ZBTB20: variants seen among roughly 807,000 people sequenced by gnomAD.
ZBTB20 encodes the protein zinc finger and BTB domain-containing protein 20.
In ZBTB20, 9 loss-of-function variants were observed where a neutral mutation model predicts 56.9. The observed-to-expected ratio is 0.16, with a 90% CI of 0.10 to 0.28. ZBTB20 has a LOEUF of 0.28. ZBTB20 is among the 10% of genes least tolerant of loss of function. The probability of loss-of-function intolerance (pLI) is 1.00; values close to 1 mark genes in which losing one functional copy is unlikely to be tolerated. For missense variants in ZBTB20, 655 were observed against 1,003.0 expected (o/e 0.65, Z 4.69); for synonymous variants, 417 against 420.7 (o/e 0.99, Z 0.11).
chr3:114,346,683 A>ATTT (rs34177643), intron 11 of ZBTB20, among the ~76,000 whole-genome samples: 1 of 136,920 alleles, frequency 7.3e-6, no homozygotes. Context: ...TCTCAAACAG[A>ATTT]TTTTTTTTTT....
chr3:114,927,720 A>T (rs561122778), intron 3 of ZBTB20, among the ~76,000 whole-genome samples: 1 of 152,200 alleles, frequency 6.6e-6, no homozygotes. Flanking sequence ...CACACATCCA[A>T]GTGTAAAATT....
intron 7 of ZBTB20, among the ~76,000 whole-genome samples, chr3:114,406,238 A>C (rs1576619267): frequency 6.6e-6 from 1 of 152,308 alleles, no homozygotes; most frequent in East Asian, 1.9e-4. Flanking sequence ...ATAGTACAGC[A>C]GGCTTCAGAG....
Position 114,722,993 on chromosome 3 carries a change from C to A in ZBTB20, c.-342-29418G>T, listed in dbSNP as rs570385913. 2.0e-5 allele frequency among the ~76,000 whole-genome samples: 3 copies of A among 152,242 alleles called. No homozygotes were observed. The East Asian group carries it at 5.8e-4, about 29-fold the overall frequency. On this transcript the variant is annotated intron_variant, in intron 5 of 11. Coordinates refer to ENST00000675478, the MANE Select transcript of ZBTB20 (RefSeq NM_001348800.3). ...AAGTCCAGGGCAGGATTAATCGAAACGTAGCTCTTTATCATTCCTATTAAT... is the reference window on the plus strand; with the variant it reads ...AAGTCCAGGGCAGGATTAATCGAAAAGTAGCTCTTTATCATTCCTATTAAT...
intron 5 of ZBTB20, among the ~76,000 whole-genome samples, chr3:114,757,760 C>T (rs925730783): frequency 1.3e-5 from 2 of 152,006 alleles, no homozygotes; most frequent in Admixed American, 6.6e-5. Context: ...AAAATCCTAA[C>T]CAATACAATA....
intron 3 of ZBTB20, among the ~76,000 whole-genome samples, chr3:114,932,827 G>A (rs1255659316): frequency 2.6e-5 from 4 of 152,164 alleles, no homozygotes; most frequent in Admixed American, 2.6e-4. Context: ...CCATCAAGAG[G>A]CAGAGTTTGT....
chr3:114,698,854 T>G (rs2063219045), intron 5 of ZBTB20, among the ~76,000 whole-genome samples: 1 of 152,142 alleles, frequency 6.6e-6, no homozygotes, highest in South Asian at 2.1e-4. Context: ...TGCACACAGT[T>G]GTATACCTAG....
chr3:114,929,717 GTTTTA>G (rs2076286689), intron 3 of ZBTB20, among the ~76,000 whole-genome samples: 1 of 152,054 alleles, frequency 6.6e-6, no homozygotes, highest in Admixed American at 6.5e-5. Context: ...TTTCTAAATC[GTTTTA>G]TTTAATTGTG....
chr3:115,057,171 T>A (rs972868970), intron 2 of ZBTB20, among the ~76,000 whole-genome samples: 1 of 152,164 alleles, frequency 6.6e-6, no homozygotes, highest in African/African-American at 2.4e-5. Flanking sequence ...AATTATTGAT[T>A]GCAATTTTTG....
chr3:114,482,228 C>G (rs959053510), intron 7 of ZBTB20, among the ~76,000 whole-genome samples: 1 of 151,930 alleles, frequency 6.6e-6, no homozygotes, highest in Non-Finnish European at 1.5e-5. Flanking sequence ...GAAGACACAT[C>G]AGGGATCTAC....
At chr3:114,847,943 A>G (rs999395508) in intron 4 of ZBTB20, among the ~76,000 whole-genome samples, 1 of 152,218 alleles carries the variant, frequency 6.6e-6, no homozygotes, top group Non-Finnish European at 1.5e-5. Context: ...GCTTTCAGGA[A>G]GTAATGCATC....
chr3:114,671,884 TAC>T (rs1324533097), intron 6 of ZBTB20, among the ~76,000 whole-genome samples: 1 of 152,156 alleles, frequency 6.6e-6, no homozygotes, highest in Non-Finnish European at 1.5e-5. Flanking sequence ...GTGCTGAGTT[TAC>T]ACAGAGTGTG....
chr3:114,948,365 T>C (rs2076954178), intron 3 of ZBTB20, among the ~76,000 whole-genome samples: 1 of 145,808 alleles, frequency 6.9e-6, no homozygotes, highest in Non-Finnish European at 1.5e-5. Flanking sequence ...AAACCAAACC[T>C]AGAACAAATG....
intron 5 of ZBTB20, among the ~76,000 whole-genome samples, chr3:114,726,756 C>CA (rs1560175355): frequency 6.6e-6 from 1 of 151,558 alleles, no homozygotes; most frequent in Non-Finnish European, 1.5e-5. Context: ...ACTAAAAATA[C>CA]AAAAATTTAG....
rs2078824926 is a variant in ZBTB20 at position 114,319,727 on chromosome 3, G to A, written c.*19278C>T. On this transcript the variant is annotated 3_prime_UTR_variant, in exon 12 of 12. Coordinates refer to ENST00000675478, the MANE Select transcript of ZBTB20 (RefSeq NM_001348800.3). ...CATGAGAAGAGAAACACATGAGGTA[G>A]CACATGGGAAGTCAGAGGACTGAAG... 2.6e-5 allele frequency: 4 copies of A among 152,094 alleles called. No individual in the cohort carries two copies. Among genetic ancestry groups the A allele is most frequent in the Admixed American group, 2.6e-4 (4 of 15,262 alleles). The allele number at this position is 152,094 out of a possible 1,614,324, so 9.4% of individuals were successfully genotyped here.
intron 2 of ZBTB20, among the ~76,000 whole-genome samples, chr3:114,990,402 C>T (rs1354570825): frequency 6.6e-6 from 1 of 152,008 alleles, no homozygotes; most frequent in East Asian, 1.9e-4. Flanking sequence ...TGCTGGATTA[C>T]GTTTATTGAT....
chr3:114,863,235 T>C (rs17627629), intron 4 of ZBTB20, among the ~76,000 whole-genome samples: 3,645 of 152,246 alleles, frequency 0.024, 53 homozygotes, highest in South Asian at 0.051. Context: ...GAAAATCACC[T>C]AGAGAATCTG....
chr3:115,109,469 C>A, intron 1 of ZBTB20, among the ~76,000 whole-genome samples: 1 of 152,138 alleles, frequency 6.6e-6, no homozygotes, highest in East Asian at 1.9e-4. Context: ...ATCTCTACTA[C>A]ATGTGTCAGA....
At chr3:114,665,871 T>C (rs1201258645) in intron 6 of ZBTB20, among the ~76,000 whole-genome samples, 1 of 152,082 alleles carries the variant, frequency 6.6e-6, no homozygotes, top group Non-Finnish European at 1.5e-5. Context: ...CTAATAAGTC[T>C]AATTTTTCCC....
In ZBTB20 at chr3:114,498,913, C is replaced by G. The variant is rs529141949; in HGVS notation, c.-255+1439G>C. ...AGCACTGACGTCACAATAGCTGAGC[C>G]GTGCGGGCAGGAGTGCACTGTGCTG... On this transcript the variant is annotated intron_variant, in intron 7 of 11. Transcript: ENST00000675478. Among the ~76,000 whole-genome samples, 254 of 152,132 alleles carry G rather than the reference C, an allele frequency of 1.7e-3. 1 individual carries two copies. Among genetic ancestry groups the G allele is most frequent in the Non-Finnish European group, 3.2e-3 (221 of 68,030 alleles).
Sources: gnomAD v4.1 joint callset for allele counts (sites outside exome capture counted in the v4.1 genomes callset) on GRCh38, gnomAD v4.1.1 for gene constraint, MANE v1.5 for transcripts, NCBI Gene and HGNC (gene_info 2026-07-23, HGNC 2026-07-21) for gene names.